Variants in ASAH2 observed in about 807,000 individuals in gnomAD.
ASAH2 encodes N-acylsphingosine amidohydrolase 2.
ASAH2 carries 58 observed loss-of-function variants against 82.9 expected under a neutral mutation model. The observed-to-expected ratio is 0.70, with a 90% CI of 0.57 to 0.87. The LOEUF is 0.87. Ranked by LOEUF, ASAH2 falls within the 40% of genes least tolerant of loss-of-function variation. The probability of loss-of-function intolerance (pLI) is 0.00; values close to 1 mark genes in which losing one functional copy is unlikely to be tolerated. For synonymous variants in ASAH2, 276 were observed against 289.7 expected (o/e 0.95, Z 0.48); for missense variants, 779 against 834.0 (o/e 0.93, Z 0.81).
rs1350233919 is a variant in ASAH2, at chr10:50,239,106, C to T, written c.511-3042G>A. On this transcript the variant is annotated intron_variant, in intron 4 of 20. Coordinates refer to ENST00000682911, the MANE Select transcript of ASAH2 (RefSeq NM_019893.4). The stretch of plus-strand genomic sequence containing the variant: ...CTCACTGACACTCTTGGGAGCATGA[C>T]ACAGAAAAACCTAGAAAGTCCTTCT... Among the ~76,000 whole-genome samples, 5 of 152,252 alleles carry T rather than the reference C, an allele frequency of 3.3e-5. No individual in the cohort carries two copies. The East Asian group carries it at 9.7e-4, about 29-fold the overall frequency.
rs1454293098 is a variant in ASAH2, at chr10:50,184,914, A to G, written c.*2401T>C. ...TTAAATAATCCATTGAATATTGACAATTTTACACAGTACTCATCAAAAAAT... is the reference window on the plus strand; with the variant it reads ...TTAAATAATCCATTGAATATTGACAGTTTTACACAGTACTCATCAAAAAAT... On this transcript the variant is annotated 3_prime_UTR_variant, in exon 21 of 21. Coordinates refer to ENST00000682911, the MANE Select transcript of ASAH2 (RefSeq NM_019893.4). 3.3e-5 allele frequency: 5 copies of G among 151,514 alleles called. No individual in the cohort carries two copies. The highest frequency in any genetic ancestry group is 7.4e-5 in the Non-Finnish European group (5 of 67,692). 9.4% of individuals were successfully genotyped at this position (151,514 alleles called of 1,614,324 possible). A position where few individuals can be genotyped will look rare whatever the true frequency, so the allele number is the denominator to read the frequency against.
Position 50,240,557 on chromosome 10 carries a change from A to C in ASAH2, c.510+2645T>G, listed in dbSNP as rs982820341. On this transcript the variant is annotated intron_variant, in intron 4 of 20. Transcript: ENST00000682911. The stretch of plus-strand genomic sequence containing the variant: ...ATTTCTCAGAGTCCATATCACCCAC[A>C]GAATTAAAAACAAGCTGGCATCTCA... 23 of 702,304 alleles carry C rather than the reference A, an allele frequency of 3.3e-5. No homozygotes were observed. In the Middle Eastern group the frequency reaches 9.2e-4, roughly 28 times the overall value. 43.5% of individuals were successfully genotyped at this position (702,304 alleles called of 1,614,324 possible).
intron 4 of ASAH2, among the ~76,000 whole-genome samples, chr10:50,238,707 C>T (rs1485702140): frequency 6.6e-6 from 1 of 152,122 alleles, no homozygotes; most frequent in African/African-American, 2.4e-5. Context: ...CTCCCTAACC[C>T]CATCCTATTT....
intron 8 of ASAH2, among the ~76,000 whole-genome samples, chr10:50,215,681 C>T (rs1007943527): frequency 2.0e-5 from 3 of 152,018 alleles, no homozygotes; most frequent in African/African-American, 7.2e-5. Flanking sequence ...GTACCAGTAC[C>T]ATGCTGTTTT....
rs1399174361 is a variant in ASAH2, at chr10:50,210,893, A to G, written c.1344T>C (p.Cys448=). The change falls in exon 12 of 21, where the codon TGT becomes TGC. Residue 448 remains cysteine (C), a synonymous_variant. Transcript: ENST00000682911. ...CAAAACTGTAGCCCAATGCTGGTTTACATGTTTTTGACTAAAGGAAAAGTT... is the reference window on the plus strand; with the variant it reads ...CAAAACTGTAGCCCAATGCTGGTTTGCATGTTTTTGACTAAAGGAAAAGTT... The part of the protein sequence containing the change: ...WLNSTHASKT[C]KPALGYSFAA... 1 of 1,613,592 alleles carries G rather than the reference A, an allele frequency of 6.2e-7. No individual in the cohort carries two copies. Among genetic ancestry groups the G allele is most frequent in the African/African-American group, 1.3e-5 (1 of 75,032 alleles).
At chr10:50,202,796 A>G (rs1265295749) in intron 16 of ASAH2, 33 bp downstream of exon 16, 2 of 1,393,934 alleles carry the variant, frequency 1.4e-6, no homozygotes, top group Non-Finnish European at 2.0e-6. Context: ...CTGGGGTATA[A>G]TTCATTTAAA....
chr10:50,222,092 T>C (rs1845764786), intron 7 of ASAH2, among the ~76,000 whole-genome samples: 2 of 152,150 alleles, frequency 1.3e-5, no homozygotes, highest in Admixed American at 1.3e-4. Flanking sequence ...CAAGGAAAGA[T>C]GGCAGCTGTA....
chr10:50,205,043 T>C (rs1845259355), intron 13 of ASAH2, 88 bp from the exon 14 acceptor site: 4 of 886,268 alleles, frequency 4.5e-6, no homozygotes, highest in Non-Finnish European at 6.9e-6. Context: ...TTTCCTCTAG[T>C]TTCTAATTTA....
chr10:50,201,425 A>T (rs1016302138), intron 16 of ASAH2, among the ~76,000 whole-genome samples: 1 of 152,242 alleles, frequency 6.6e-6, no homozygotes, highest in East Asian at 1.9e-4. Flanking sequence ...TGCAGGGACC[A>T]CATGGAATTT....
At chr10:50,196,117 A>G (rs1844973365) in intron 18 of ASAH2, among the ~76,000 whole-genome samples, 4 of 151,856 alleles carry the variant, frequency 2.6e-5, no homozygotes. Flanking sequence ...GCCATTCCCC[A>G]TGTATACATA....
At position 50,212,940 on chromosome 10, in the gene ASAH2, C is replaced by T; in HGVS notation, c.1227+32G>A. The T allele has an allele frequency of 2.8e-5, 44 of 1,590,142 alleles. 2 individuals carry two copies. The South Asian group carries it at 4.9e-4, about 18-fold the overall frequency. On this transcript the variant is annotated intron_variant, in intron 10 of 20. Coordinates refer to ENST00000682911, the MANE Select transcript of ASAH2 (RefSeq NM_019893.4). Reference sequence around the variant, plus strand: ...ATGGATTTTAAAGGACAATTTTAAACAAAGATTAAAGGAGCGAGGCCCATG... The same window carrying T: ...ATGGATTTTAAAGGACAATTTTAAATAAAGATTAAAGGAGCGAGGCCCATG...
chr10:50,240,587 C>A, intron 4 of ASAH2: 1 of 702,162 alleles, frequency 1.4e-6, no homozygotes, highest in Non-Finnish European at 2.6e-6. Context: ...ATCTCAAGGC[C>A]CTCTGCAATT....
chr10:50,209,176 AT>A (rs1221453390), intron 12 of ASAH2, among the ~76,000 whole-genome samples: 1 of 152,186 alleles, frequency 6.6e-6, no homozygotes, highest in African/African-American at 2.4e-5. Flanking sequence ...AGCTAAAACC[AT>A]AAAAATCTTA....
At chr10:50,221,349 T>A (rs1229701886) in intron 7 of ASAH2, among the ~76,000 whole-genome samples, 4 of 152,216 alleles carry the variant, frequency 2.6e-5, no homozygotes, top group African/African-American at 9.6e-5. Context: ...CATTTCCATC[T>A]GATACCATCA....
chr10:50,210,415 G>C (rs533286715), intron 12 of ASAH2, among the ~76,000 whole-genome samples: 2 of 152,180 alleles, frequency 1.3e-5, no homozygotes, highest in African/African-American at 4.8e-5. Context: ...CAGGAGAATA[G>C]CTTGAACTTG....
At chr10:50,207,608 T>G (rs1282418915) in intron 12 of ASAH2, among the ~76,000 whole-genome samples, 5 of 146,846 alleles carry the variant, frequency 3.4e-5, no homozygotes, top group African/African-American at 1.2e-4. Flanking sequence ...ACTACCAAAA[T>G]TGACTCAAGA....
At chr10:50,202,789 G>T in intron 16 of ASAH2, 40 bp downstream of exon 16, 2 of 1,283,014 alleles carry the variant, frequency 1.6e-6, no homozygotes, top group Non-Finnish European at 2.3e-6. Flanking sequence ...GTCTTTACTG[G>T]GGTATAATTC....
chr10:50,227,037 C>A (rs1845904668), intron 7 of ASAH2, among the ~76,000 whole-genome samples: 1 of 151,930 alleles, frequency 6.6e-6, no homozygotes, highest in African/African-American at 2.4e-5. Context: ...AAAGGTGAGA[C>A]AAATAGCACA....
intron 13 of ASAH2, among the ~76,000 whole-genome samples, chr10:50,205,173 G>A (rs912360644): frequency 5.9e-5 from 9 of 152,002 alleles, no homozygotes; most frequent in Non-Finnish European, 1.2e-4. Context: ...ATCTGTCATC[G>A]TGAAATCACA....
Sources: allele counts gnomAD v4.1 joint callset (sites outside exome capture counted in the v4.1 genomes callset), GRCh38; gene constraint gnomAD v4.1.1; transcripts MANE v1.5; gene names NCBI Gene and HGNC (gene_info 2026-07-23, HGNC 2026-07-21).